The following GIT2 variants were observed in gnomAD, a reference collection of about 807,000 sequenced individuals.
GIT2 encodes the protein ARF GTPase-activating protein GIT2.
In GIT2, 32 loss-of-function variants were observed where a neutral mutation model predicts 100.3. The observed-to-expected ratio is 0.32, with a 90% CI of 0.24 to 0.43. GIT2 has a LOEUF of 0.43. Ranked by LOEUF, GIT2 falls within the 20% of genes least tolerant of loss-of-function variation. The probability of loss-of-function intolerance (pLI) is 1.00; values close to 1 mark genes in which losing one functional copy is unlikely to be tolerated. For missense variants in GIT2, 737 were observed against 975.1 expected (o/e 0.76, Z 3.25); for synonymous variants, 353 against 364.1 (o/e 0.97, Z 0.35).
At chr12:109,937,787 C>T (rs145991533) in intron 18 of GIT2, among the ~76,000 whole-genome samples, 2,212 of 152,310 alleles carry the variant, frequency 0.015, 21 homozygotes, top group Non-Finnish European at 0.022. Context: ...GCTGCAACCT[C>T]CGCCTCCAGG....
intron 16 of GIT2, among the ~76,000 whole-genome samples, chr12:109,942,322 G>A (rs1000413870): frequency 1.3e-5 from 2 of 151,994 alleles, no homozygotes; most frequent in African/African-American, 4.8e-5. Context: ...TTTTTATAAT[G>A]AATCTTTTTT....
At chr12:109,983,923 A>C in intron 4 of GIT2, 1 of 482,118 alleles carries the variant, frequency 2.1e-6, no homozygotes, top group Non-Finnish European at 3.8e-6. Context: ...GTGAAGGCTG[A>C]CTTGCCCAAA....
chr12:109,965,890 T>TA (rs987640947), intron 8 of GIT2: 114 of 448,012 alleles, frequency 2.5e-4, no homozygotes, highest in East Asian at 6.5e-4. Context: ...TTTGAAGTAT[T>TA]AAAAAAAAAG....
At chr12:109,944,718 G>A (rs757077343) in intron 16 of GIT2, among the ~76,000 whole-genome samples, 6 of 151,982 alleles carry the variant, frequency 3.9e-5, no homozygotes, top group Non-Finnish European at 8.8e-5. Flanking sequence ...ACAGCTGCTT[G>A]CATAGCTCCA....
intron 17 of GIT2, 157 bp downstream of exon 17, chr12:109,939,008 T>C (rs1401797330): frequency 1.3e-5 from 8 of 626,468 alleles, no homozygotes; most frequent in African/African-American, 1.1e-4. Context: ...TGACAAGACA[T>C]GTAAACTACG....
At chr12:109,971,768 G>A (rs909395067) in intron 7 of GIT2, among the ~76,000 whole-genome samples, 3 of 151,900 alleles carry the variant, frequency 2.0e-5, no homozygotes, top group African/African-American at 7.2e-5. Flanking sequence ...CAAGGTGGGT[G>A]GATCACCTGA....
Position 109,931,741 on chromosome 12 carries a change from G to A in GIT2, c.*1237C>T, listed in dbSNP as rs1871661955. 6.6e-6 allele frequency: 1 copy of A among 152,272 alleles called. No homozygotes were observed. The highest frequency in any genetic ancestry group is 1.5e-5 in the Non-Finnish European group (1 of 68,082). 9.4% of individuals were successfully genotyped at this position (152,272 alleles called of 1,614,324 possible). ...GCTGCAGTAAGCAGGAACGGGAAGA[G>A]CTTTCACATTCAGAACAAGAAGGGG... On this transcript the variant is annotated 3_prime_UTR_variant, in exon 20 of 20. Transcript: ENST00000355312.
chr12:109,999,909 G>C, upstream of GIT2: 1 of 787,438 alleles, frequency 1.3e-6, no homozygotes, highest in Non-Finnish European at 1.9e-6. The surrounding 1 kb of genome is among the most constrained non-coding windows in gnomAD (Gnocchi z 4.3). Flanking sequence ...CACTTTGCAG[G>C]TGTGGGACAG....
chr12:109,968,125 T>A (rs538762128), intron 7 of GIT2, among the ~76,000 whole-genome samples: 1 of 152,262 alleles, frequency 6.6e-6, no homozygotes, highest in African/African-American at 2.4e-5. Context: ...GGTAAATGTA[T>A]GTTTAACTTG....
rs58007337 is a variant in GIT2 at position 109,964,620 on chromosome 12, G to GACACACACACACAC, written c.816+892_816+905dup. 2.5e-3 allele frequency among the ~76,000 whole-genome samples: 300 copies of GACACACACACACAC among 119,052 alleles called. 13 individuals carry two copies. The highest frequency in any genetic ancestry group is 0.011 in the East Asian group (39 of 3,476). The allele number at this position is 119,052 out of a possible 152,430, so 78.1% of individuals were successfully genotyped here. On this transcript the variant is annotated intron_variant, in intron 9 of 19. Transcript: ENST00000355312. Reference sequence around the variant, plus strand: ...TGGCCTCAGAGGGTGTTAATCTAAAGACACACACACACACACACACACACA... The same window carrying GACACACACACACAC: ...TGGCCTCAGAGGGTGTTAATCTAAAGACACACACACACACACACACACACACACACACACACACA...
At chr12:109,973,304 C>A (rs1046195662) in intron 7 of GIT2, among the ~76,000 whole-genome samples, 1 of 151,614 alleles carries the variant, frequency 6.6e-6, no homozygotes, top group Non-Finnish European at 1.5e-5. Context: ...TCATGCCCAG[C>A]TAATTTTTGT....
intron 8 of GIT2, among the ~76,000 whole-genome samples, chr12:109,965,920 T>G (rs1882222261): frequency 6.6e-6 from 1 of 151,312 alleles, no homozygotes; most frequent in South Asian, 2.1e-4. Context: ...AGAAAATATG[T>G]CGGGCTCGAT....
At position 109,939,267 on chromosome 12, in the gene GIT2, C is replaced by G. The variant is rs1177567857; in HGVS notation, c.1732-20G>C. 13 of 1,425,488 alleles carry G rather than the reference C, an allele frequency of 9.1e-6. No homozygotes were observed. The highest frequency in any genetic ancestry group is 1.3e-5 in the Non-Finnish European group (13 of 1,008,522). The allele number at this position is 1,425,488 out of a possible 1,614,324, so 88.3% of individuals were successfully genotyped here. ...GGATGCCTACAAGAAAGAAGAGGGA[C>G]CCTCATGAGTTTGTAACATGAGACT... On this transcript the variant is annotated intron_variant, in intron 16 of 19. Coordinates refer to ENST00000355312, the MANE Select transcript of GIT2 (RefSeq NM_057169.5).
At chr12:109,999,800 G>A (rs1217330164), upstream of GIT2, 19 of 1,526,198 alleles carry the variant, frequency 1.2e-5, no homozygotes, top group Admixed American at 6.3e-5. This position sits in a 1 kb window ranked among gnomAD's most constrained non-coding sequence, Gnocchi z 4.3. Flanking sequence ...GGGCGGGGCG[G>A]GGGTCCGTCT....
At chr12:109,997,212 A>G (rs1889566620), upstream of GIT2, among the ~76,000 whole-genome samples, 1 of 148,492 alleles carries the variant, frequency 6.7e-6, no homozygotes. Flanking sequence ...CTCAAAAAAA[A>G]AAAAAAAAAA....
chr12:109,956,618 A>C (rs577219846), intron 12 of GIT2, among the ~76,000 whole-genome samples: 2 of 152,218 alleles, frequency 1.3e-5, no homozygotes, highest in African/African-American at 2.4e-5. Flanking sequence ...GCACATGAGG[A>C]TCAATTGTGT....
chr12:109,978,076 G>GTTTT (rs111855474), intron 7 of GIT2, among the ~76,000 whole-genome samples: 74 of 93,500 alleles, frequency 7.9e-4, no homozygotes, highest in East Asian at 1.5e-3. Flanking sequence ...AAATTTAGAG[G>GTTTT]TTTTTTTTTT....
intron 18 of GIT2, among the ~76,000 whole-genome samples, chr12:109,938,043 C>G (rs1197328303): frequency 6.6e-6 from 1 of 152,144 alleles, no homozygotes; most frequent in Non-Finnish European, 1.5e-5. Flanking sequence ...CTTAGCCAGG[C>G]CAGGGTATAG....
intron 18 of GIT2, among the ~76,000 whole-genome samples, chr12:109,935,161 T>C (rs1872637339): frequency 6.6e-6 from 1 of 152,162 alleles, no homozygotes; most frequent in African/African-American, 2.4e-5. Flanking sequence ...AATGCCTTCA[T>C]TGGAAATCCT....
Sources: allele counts gnomAD v4.1 joint callset (sites outside exome capture counted in the v4.1 genomes callset), GRCh38; gene constraint gnomAD v4.1.1; non-coding constraint Gnocchi (gnomAD v3.1); transcripts MANE v1.5; gene names NCBI Gene and HGNC (gene_info 2026-07-23, HGNC 2026-07-21).